Variants in ANKRD18A observed in about 807,000 individuals in gnomAD.
ANKRD18A encodes the protein ankyrin repeat domain 18A, also known as ankyrin repeat domain-containing protein 18A.
In ANKRD18A, 72 loss-of-function variants were observed where a neutral mutation model predicts 110.6. That is an observed-to-expected ratio of 0.65 (90% CI 0.54 to 0.79). The LOEUF (loss-of-function observed/expected upper bound fraction) is 0.79. ANKRD18A is among the 30% of genes least tolerant of loss of function. The pLI is 0.00. For synonymous variants in ANKRD18A, 305 were observed against 410.3 expected (o/e 0.74, Z 3.10); for missense variants, 934 against 1,163.3 (o/e 0.80, Z 2.87).
At chr9:38,580,853 A>G (rs1824131013) in intron 12 of ANKRD18A, among the ~76,000 whole-genome samples, 1 of 151,116 alleles carries the variant, frequency 6.6e-6, no homozygotes, top group African/African-American at 2.4e-5. Context: ...CCTATCTCAG[A>G]CTGCTTTCCC....
intron 5 of ANKRD18A, among the ~76,000 whole-genome samples, chr9:38,608,135 T>C (rs903152645): frequency 5.3e-5 from 8 of 152,208 alleles, no homozygotes; most frequent in Admixed American, 2.0e-4. Context: ...TGTAACTAAA[T>C]TTATATACAA....
chr9:38,618,529 T>C (rs978239976), intron 1 of ANKRD18A, among the ~76,000 whole-genome samples: 7 of 152,208 alleles, frequency 4.6e-5, no homozygotes, highest in African/African-American at 1.7e-4. Flanking sequence ...GAAGGTATTT[T>C]AATACAATGG....
Position 38,591,590 on chromosome 9 carries a change from T to C in ANKRD18A, c.2004+2170A>G, listed in dbSNP as rs554208947. On this transcript the variant is annotated intron_variant, in intron 10 of 15. Transcript: ENST00000399703. ...CAATATTTGCTATTAGCATGATAAT[T>C]TTCACTGTTTTTTATCTCTTGACCA... Among the ~76,000 whole-genome samples the C allele has an allele frequency of 4.6e-5, 7 of 152,324 alleles. No individual in the cohort carries two copies. In the East Asian group the frequency reaches 1.2e-3, roughly 25 times the overall value.
intron 15 of ANKRD18A, among the ~76,000 whole-genome samples, chr9:38,573,802 T>C (rs1823764787): frequency 6.6e-6 from 1 of 152,232 alleles, no homozygotes; most frequent in Non-Finnish European, 1.5e-5. Flanking sequence ...CAAAACTCTG[T>C]CCTTTACAAA....
chr9:38,582,903 T>C (rs1376044047), intron 12 of ANKRD18A, among the ~76,000 whole-genome samples: 1 of 152,172 alleles, frequency 6.6e-6, no homozygotes, highest in East Asian at 1.9e-4. Context: ...AGAAAGTATT[T>C]GAAAAGTGTA....
At chr9:38,573,179 T>C in intron 15 of ANKRD18A, 8 of 988,520 alleles carry the variant, frequency 8.1e-6, no homozygotes, top group Non-Finnish European at 1.1e-5. Context: ...AAACAAGAAA[T>C]ATTATCATGA....
rs1002492971 is a variant in ANKRD18A at position 38,571,838 on chromosome 9, T to C, written c.*207A>G. On this transcript the variant is annotated 3_prime_UTR_variant, in exon 16 of 16. Transcript: ENST00000399703. Reference sequence around the variant, plus strand: ...AAATAACATATAAATATACACCATATGTGACATGAAAATATTCTACTTTAG... The same window carrying C: ...AAATAACATATAAATATACACCATACGTGACATGAAAATATTCTACTTTAG... 8 of 1,266,428 alleles carry C rather than the reference T, an allele frequency of 6.3e-6. No homozygotes were observed. The African/African-American group carries it at 1.1e-4, about 17-fold the overall frequency. The allele number at this position is 1,266,428 out of a possible 1,614,324, so 78.4% of individuals were successfully genotyped here.
Position 38,610,267 on chromosome 9 carries a change from A to G in ANKRD18A, c.740+6T>C. The G allele has an allele frequency of 1.3e-6, 2 of 1,532,858 alleles. No individual in the cohort carries two copies. Among genetic ancestry groups the G allele is most frequent in the Non-Finnish European group, 8.8e-7 (1 of 1,140,906 alleles). The allele number at this position is 1,532,858 out of a possible 1,614,324, so 95.0% of individuals were successfully genotyped here. A position where few individuals can be genotyped will look rare whatever the true frequency, so the allele number is the denominator to read the frequency against. ...TATTAACCGGTCTTTTAATATAAGCACATACCTTCTCAAATCAGAACAAAG... is the reference window on the plus strand; with the variant it reads ...TATTAACCGGTCTTTTAATATAAGCGCATACCTTCTCAAATCAGAACAAAG... On this transcript the variant is annotated splice_donor_region_variant and intron_variant, in intron 5 of 15. Coordinates refer to ENST00000399703, the MANE Select transcript of ANKRD18A (RefSeq NM_147195.4).
downstream of ANKRD18A, chr9:38,568,896 G>A (rs1823542670): frequency 1.1e-5 from 11 of 985,432 alleles, no homozygotes; most frequent in African/African-American, 1.7e-5. Context: ...GGGGGCCTCT[G>A]TCCCACAGGT....
At chr9:38,601,015 C>G (rs1191060256) in intron 8 of ANKRD18A, 116 bp downstream of exon 8, 8 of 882,308 alleles carry the variant, frequency 9.1e-6, no homozygotes, top group South Asian at 2.3e-5. Flanking sequence ...AAATTATGCT[C>G]TGTTGGATTC....
intron 6 of ANKRD18A, 111 bp from the exon 7 acceptor site, chr9:38,603,323 T>A: frequency 6.8e-7 from 1 of 1,461,938 alleles, no homozygotes; most frequent in Non-Finnish European, 9.2e-7. Context: ...ATCCTACCCA[T>A]CTTTTTTAGA....
At chr9:38,594,241 C>T (rs1454725969) in intron 9 of ANKRD18A, among the ~76,000 whole-genome samples, 2 of 152,160 alleles carry the variant, frequency 1.3e-5, no homozygotes, top group East Asian at 1.9e-4. Flanking sequence ...AAAATTCCAA[C>T]GGCCTTCAAG....
chr9:38,609,841 A>G lies in ANKRD18A; in HGVS notation c.740+432T>C, dbSNP rs371752615. 1.8e-4 allele frequency among the ~76,000 whole-genome samples: 28 copies of G among 152,104 alleles called. No homozygotes were observed. The East Asian group carries it at 2.7e-3, about 15-fold the overall frequency. On this transcript the variant is annotated intron_variant, in intron 5 of 15. Transcript: ENST00000399703. ...ACATTTCAAGACCCAATAACTAATT[A>G]GAAAAGTCAGGCCAGGCATGGTGGC... is the stretch of plus-strand genomic sequence containing the variant.
At chr9:38,598,095 T>C (rs550187006) in intron 8 of ANKRD18A, among the ~76,000 whole-genome samples, 1 of 152,188 alleles carries the variant, frequency 6.6e-6, no homozygotes, top group South Asian at 2.1e-4. Context: ...TTGTTGCAAC[T>C]CTCAAGGTCA....
At chr9:38,611,728 A>T (rs1825629457) in intron 3 of ANKRD18A, among the ~76,000 whole-genome samples, 1 of 152,172 alleles carries the variant, frequency 6.6e-6, no homozygotes. Flanking sequence ...TAAATTAATG[A>T]TCTAAATTAT....
At chr9:38,595,278 C>T (rs186359418) in intron 9 of ANKRD18A, among the ~76,000 whole-genome samples, 3 of 152,240 alleles carry the variant, frequency 2.0e-5, no homozygotes, top group African/African-American at 7.2e-5. Context: ...GCAGTCACGA[C>T]CCGCTTCCAG....
chr9:38,610,669 T>C (rs1825576995), intron 4 of ANKRD18A, among the ~76,000 whole-genome samples: 1 of 152,184 alleles, frequency 6.6e-6, no homozygotes, highest in Non-Finnish European at 1.5e-5. Context: ...TGCTAATTTA[T>C]AGTCCTTTGA....
chr9:38,610,228 A>C, intron 5 of ANKRD18A, 45 bp downstream of exon 5: 1 of 1,464,448 alleles, frequency 6.8e-7, no homozygotes, highest in African/African-American at 1.4e-5. Flanking sequence ...CAATTATTTT[A>C]AACCTTAATT....
At chr9:38,593,089 A>G (rs543168555) in intron 10 of ANKRD18A, among the ~76,000 whole-genome samples, 4 of 152,338 alleles carry the variant, frequency 2.6e-5, no homozygotes, top group East Asian at 3.9e-4. Flanking sequence ...ACTGTCTGAC[A>G]TGTGAATTAT....
Sources: gnomAD v4.1 joint callset for allele counts (sites outside exome capture counted in the v4.1 genomes callset) on GRCh38, gnomAD v4.1.1 for gene constraint, MANE v1.5 for transcripts, NCBI Gene and HGNC (gene_info 2026-07-23, HGNC 2026-07-21) for gene names.